Variants in SORL1 observed in about 807,000 individuals in gnomAD.
SORL1 encodes the protein sortilin-related receptor.
SORL1 carries 127 observed loss-of-function variants against 273.7 expected under a neutral mutation model. The observed-to-expected ratio is 0.46, with a 90% CI of 0.40 to 0.54. SORL1 has a LOEUF of 0.54. SORL1 is among the 20% of genes least tolerant of loss of function. The probability of loss-of-function intolerance (pLI) is 0.00; values close to 1 mark genes in which losing one functional copy is unlikely to be tolerated. For missense variants in SORL1, 2,494 were observed against 2,846.1 expected, an observed-to-expected ratio of 0.88 and a Z score of 2.81; for synonymous variants, 1,031 against 1,067.4, an observed-to-expected ratio of 0.97 and a Z score of 0.66.
At chr11:121,508,990 G>A (rs551355671) in intron 6 of SORL1, among the ~76,000 whole-genome samples, 1 of 152,092 alleles carries the variant, frequency 6.6e-6, no homozygotes, top group South Asian at 2.1e-4. Flanking sequence ...ACCTCCCCAC[G>A]TGCCCTCACC....
intron 6 of SORL1, among the ~76,000 whole-genome samples, chr11:121,503,170 G>A (rs1054959077): frequency 1.3e-5 from 2 of 151,964 alleles, no homozygotes; most frequent in South Asian, 4.2e-4. Flanking sequence ...ATGCCCAGCC[G>A]TGTTTTTAAT....
chr11:121,559,720 C>A, intron 21 of SORL1, 63 bp downstream of exon 21: 2 of 1,515,682 alleles, frequency 1.3e-6, no homozygotes, highest in South Asian at 2.4e-5. Flanking sequence ...CTGCGTGTGG[C>A]CAATCTCTGC....
intron 6 of SORL1, among the ~76,000 whole-genome samples, chr11:121,497,812 G>C (rs1861653886): frequency 6.6e-6 from 1 of 152,198 alleles, no homozygotes; most frequent in Non-Finnish European, 1.5e-5. Context: ...TTCCCTTGTT[G>C]ACTCAGGGTC....
chr11:121,509,328 CT>C (rs1370992201), intron 6 of SORL1, among the ~76,000 whole-genome samples: 1 of 152,106 alleles, frequency 6.6e-6, no homozygotes, highest in African/African-American at 2.4e-5. Flanking sequence ...TTGCAGTATC[CT>C]TTGGCCTTTA....
At position 121,553,959 on chromosome 11, in the gene SORL1, T is replaced by C. The variant is rs577230542; in HGVS notation, c.2289T>C (p.Tyr763=). Reference sequence around the variant, plus strand: ...CAGAAGAGAACGAGTTCATTCTGTATGCTGTGAGGAAATCCATCTACCGCT... The same window carrying C: ...CAGAAGAGAACGAGTTCATTCTGTACGCTGTGAGGAAATCCATCTACCGCT... The part of the protein sequence containing the change: ...PLAEENEFIL[Y]AVRKSIYRYD... The change falls in exon 17 of 48, where the codon TAT becomes TAC. Residue 763 remains tyrosine (Y), a synonymous_variant. Coordinates refer to ENST00000260197, the MANE Select transcript of SORL1 (RefSeq NM_003105.6). 1.2e-6 allele frequency: 2 copies of C among 1,613,982 alleles called. No individual in the cohort carries two copies. Among genetic ancestry groups the C allele is most frequent in the Non-Finnish European group, 1.7e-6 (2 of 1,179,972 alleles).
At chr11:121,561,910 C>T (rs1288673952) in intron 21 of SORL1, among the ~76,000 whole-genome samples, 2 of 152,066 alleles carry the variant, frequency 1.3e-5, no homozygotes, top group African/African-American at 2.4e-5. Flanking sequence ...TGGAGAAAGA[C>T]GTTTTTGTCT....
intron 22 of SORL1, 51 bp downstream of exon 22, chr11:121,567,164 C>G: frequency 6.7e-7 from 1 of 1,503,384 alleles, no homozygotes; most frequent in Non-Finnish European, 9.1e-7. Flanking sequence ...TTGTTTCCTG[C>G]TCCCCGCCAG....
At position 121,627,504 on chromosome 11, in the gene SORL1, C is replaced by T. The variant is rs768022152; in HGVS notation, c.6365-51C>T. 2.0e-6 allele frequency: 3 copies of T among 1,500,594 alleles called. No individual in the cohort carries two copies. Among genetic ancestry groups the T allele is most frequent in the South Asian group, 1.1e-5 (1 of 88,412 alleles). The allele number at this position is 1,500,594 out of a possible 1,614,324, so 93.0% of individuals were successfully genotyped here. ...GTGGGGCCTTGAGGAGTCATCTGGT[C>T]TGTTCTCCTGCCCTCAGGTGGGCTT... On this transcript the variant is annotated intron_variant, in intron 46 of 47. Transcript: ENST00000260197. The surrounding 1 kb of genome is among the most constrained non-coding windows in gnomAD (Gnocchi z 4.9).
Position 121,550,238 on chromosome 11 carries a change from T to C in SORL1, c.2180+150T>C, listed in dbSNP as rs1040737668. The C allele has an allele frequency of 2.5e-6, 2 of 807,336 alleles. No individual in the cohort carries two copies. The highest frequency in any genetic ancestry group is 1.7e-5 in the African/African-American group (1 of 57,508). The allele number at this position is 807,336 out of a possible 1,614,324, so 50.0% of individuals were successfully genotyped here. On this transcript the variant is annotated intron_variant, in intron 15 of 47. Coordinates refer to ENST00000260197, the MANE Select transcript of SORL1 (RefSeq NM_003105.6). This position sits in a 1 kb window ranked among gnomAD's most constrained non-coding sequence, Gnocchi z 5.3. ...GTAGTTTGGGCAACATTATAAATTA[T>C]GGTATTTGTAAACTCTCCTACCTCC...
chr11:121,486,870 A>G lies in SORL1; in HGVS notation c.529-1162A>G, dbSNP rs370691409. 2.8e-4 allele frequency among the ~76,000 whole-genome samples: 43 copies of G among 152,136 alleles called. No individual in the cohort carries two copies. In the East Asian group the frequency reaches 6.4e-3, roughly 23 times the overall value. On this transcript the variant is annotated intron_variant, in intron 3 of 47. Transcript: ENST00000260197. ...CAACTACCTGGGAGGCTGAGGTGGG[A>G]TGACCTCCTGAGCCCGGGGAGGTCA...
chr11:121,558,885 G>A (rs1349883965), intron 20 of SORL1, 48 bp downstream of exon 20: 1 of 1,605,700 alleles, frequency 6.2e-7, no homozygotes, highest in Non-Finnish European at 8.5e-7. Flanking sequence ...CGGGTGAGGA[G>A]CATATGAGAT....
chr11:121,481,200 C>G (rs1340050205), intron 3 of SORL1, among the ~76,000 whole-genome samples: 2 of 111,756 alleles, frequency 1.8e-5, no homozygotes. Flanking sequence ...CTCCTCCTCC[C>G]CAGCTCCTCT....
At chr11:121,560,263 A>C (rs1057076601) in intron 21 of SORL1, among the ~76,000 whole-genome samples, 1 of 152,218 alleles carries the variant, frequency 6.6e-6, no homozygotes, top group Non-Finnish European at 1.5e-5. Flanking sequence ...TTGAAAGAAT[A>C]AGGGATGAAA....
chr11:121,617,406 T>G (rs1325011813), intron 41 of SORL1, among the ~76,000 whole-genome samples: 1 of 152,182 alleles, frequency 6.6e-6, no homozygotes, highest in Non-Finnish European at 1.5e-5. Context: ...TCACGATATA[T>G]AGGATTAAAT....
chr11:121,587,975 A>C, intron 27 of SORL1, 45 bp from the exon 28 acceptor site: 1 of 1,607,222 alleles, frequency 6.2e-7, no homozygotes, highest in Non-Finnish European at 8.5e-7. Context: ...GGGCCCAGCC[A>C]GCCGCAGTGC....
At chr11:121,564,762 C>T (rs969813652) in intron 21 of SORL1, among the ~76,000 whole-genome samples, 5 of 151,314 alleles carry the variant, frequency 3.3e-5, no homozygotes, top group Admixed American at 2.0e-4. Context: ...TTTGTGGAGG[C>T]GGTCTTCACT....
chr11:121,605,212 C>T lies in SORL1; in HGVS notation c.4751C>T (p.Ala1584Val), dbSNP rs1229409755. 6.2e-7 allele frequency: 1 copy of T among 1,613,678 alleles called. No homozygotes were observed. The highest frequency in any genetic ancestry group is 1.1e-5 in the South Asian group (1 of 90,984). ...TWMRPKKMPS[A>V]SCVYNVYYRV... is the part of the protein sequence containing the mutation. ...ATGAGGCCCAAAAAAATGCCCTCTG[C>T]TTCTTGTGTATATAATGTCTACTAC... is the stretch of plus-strand genomic sequence containing the variant. The change falls in exon 34 of 48, where the codon GCT becomes GTT. Residue 1584 changes from alanine to valine, a missense_variant. Ala to Val is a moderately conservative substitution (Grantham distance 64, BLOSUM62 0). Around this residue, in one of 3 missense-constraint regions of SORL1, gnomAD observed 1,609 missense variants for 1,816.4 expected, o/e 0.89. Coordinates refer to ENST00000260197, the MANE Select transcript of SORL1 (RefSeq NM_003105.6).
At chr11:121,493,659 G>A (rs535084020) in intron 5 of SORL1, among the ~76,000 whole-genome samples, 3 of 152,300 alleles carry the variant, frequency 2.0e-5, no homozygotes, top group South Asian at 2.1e-4. Flanking sequence ...GAGATAGATC[G>A]TATGTGTGTG....
chr11:121,619,895 A>G lies in SORL1; in HGVS notation c.5867A>G (p.Tyr1956Cys), dbSNP rs775131970. 8 of 1,613,278 alleles carry G rather than the reference A, an allele frequency of 5.0e-6. No individual in the cohort carries two copies. Among genetic ancestry groups the G allele is most frequent in the East Asian group, 2.2e-5 (1 of 44,866 alleles). Residue 1956 changes from tyrosine to cysteine, a missense_variant, in exon 43 of 48, where the codon TAT (tyrosine) becomes TGT (cysteine). By Grantham distance (194) the Tyr-to-Cys change is radical. This residue lies in a region of SORL1 where 1,609 missense variants were observed against 1,816.4 expected (regional missense o/e 0.89). Transcript: ENST00000260197. ...TSVVIKWESP[Y>C]DSPDQDLLYA... The stretch of plus-strand genomic sequence containing the variant: ...GTGGTCATCAAGTGGGAATCACCGT[A>G]TGACTCTCCTGACCAGGACTTGGTG...
Sources: gnomAD v4.1 joint callset for allele counts (sites outside exome capture counted in the v4.1 genomes callset) on GRCh38, gnomAD v4.1.1 for gene constraint, gnomAD v4.1.1 regional missense constraint, Gnocchi (gnomAD v3.1) non-coding constraint, MANE v1.5 for transcripts, NCBI Gene and HGNC (gene_info 2026-07-23, HGNC 2026-07-21) for gene names.